The following MIA2 variants were observed in gnomAD, a reference collection of about 807,000 sequenced individuals.
The protein encoded by MIA2 is MIA SH3 domain ER export factor 2, also known as melanoma inhibitory activity protein 2.
In MIA2, 127 loss-of-function variants were observed where a neutral mutation model predicts 167.8. The observed-to-expected ratio is 0.76, with a 90% CI of 0.66 to 0.88. The LOEUF (loss-of-function observed/expected upper bound fraction) is 0.88. Ranked by LOEUF, MIA2 falls within the 40% of genes least tolerant of loss-of-function variation. The pLI, the probability that MIA2 is intolerant of heterozygous loss-of-function variation, is 0.00. For missense variants in MIA2, 1,690 were observed against 1,624.7 expected (o/e 1.04, Z -0.69); for synonymous variants, 552 against 541.9 (o/e 1.02, Z -0.26).
intron 27 of MIA2, 72 bp downstream of exon 27, chr14:39,347,843 T>C: frequency 9.0e-7 from 1 of 1,106,856 alleles, no homozygotes; most frequent in Non-Finnish European, 1.2e-6. Flanking sequence ...TTTTTTTTTA[T>C]GGAGTTTCAC....
Position 39,302,153 on chromosome 14 carries a change from A to G in MIA2, c.2644A>G (p.Met882Val), listed in dbSNP as rs1199582625. The G allele has an allele frequency of 6.2e-7, 1 of 1,613,730 alleles. No homozygotes were observed. The highest frequency in any genetic ancestry group is 1.7e-5 in the Admixed American group (1 of 60,004). The change falls in exon 15 of 29, where the codon ATG becomes GTG. Residue 882 changes from methionine (M) to valine (V), a missense_variant. Coordinates refer to ENST00000640607, the MANE Select transcript of MIA2 (RefSeq NM_001329214.4). ...IKTLTERLLK[M>V]KDWAAMLGED... ...GACTCTGACTGAACGCTTGTTAAAGATGAAAGATTGGGCTGCTATGCTTGG... is the reference window on the plus strand; with the variant it reads ...GACTCTGACTGAACGCTTGTTAAAGGTGAAAGATTGGGCTGCTATGCTTGG...
At chr14:39,370,680 G>A (rs745416520) in intron 23 of MIA2, 6 of 223,412 alleles carry the variant, frequency 2.7e-5, no homozygotes, top group Admixed American at 4.8e-5. Context: ...CAGCACAGCA[G>A]AGCCACCACT....
intron 23 of MIA2, among the ~76,000 whole-genome samples, chr14:39,379,505 G>A (rs12893829): frequency 6.6e-6 from 1 of 151,918 alleles, no homozygotes; most frequent in Non-Finnish European, 1.5e-5. Flanking sequence ...AACAAACAAC[G>A]CACCACCTTC....
intron 17 of MIA2, among the ~76,000 whole-genome samples, chr14:39,307,886 A>G (rs1160122535): frequency 6.6e-6 from 1 of 152,040 alleles, no homozygotes; most frequent in East Asian, 1.9e-4. Context: ...GAGCTAAAAA[A>G]GTTGATCTCA....
rs755891277 is a variant in MIA2, at chr14:39,247,866, A to G, written c.1292A>G (p.Lys431Arg). 1 of 1,589,330 alleles carries G rather than the reference A, an allele frequency of 6.3e-7. No homozygotes were observed. Among genetic ancestry groups the G allele is most frequent in the South Asian group, 1.2e-5 (1 of 85,266 alleles). The change falls in exon 4 of 29, where the codon AAA becomes AGA. Residue 431 changes from lysine to arginine, a missense_variant. By Grantham distance (26) the Lys-to-Arg change is conservative. Transcript: ENST00000640607. Reference protein sequence around the residue: ...PEKEQEIETIKIIETEDQIDK... With the variant: ...PEKEQEIETIRIIETEDQIDK... ...AAAGAACAAGAAATAGAAACGATAA[A>G]AATTATAGAAACAGAAGATCAAATA...
At chr14:39,375,973 A>G (rs1424436224) in intron 23 of MIA2, among the ~76,000 whole-genome samples, 1 of 152,154 alleles carries the variant, frequency 6.6e-6, no homozygotes, top group Non-Finnish European at 1.5e-5. Flanking sequence ...TTTTATTTTT[A>G]GACAGGGCCT....
chr14:39,318,267 G>A (rs1011109324), intron 22 of MIA2, among the ~76,000 whole-genome samples: 2 of 152,122 alleles, frequency 1.3e-5, no homozygotes, highest in Non-Finnish European at 2.9e-5. Context: ...TTAAACCAGT[G>A]TAGATGGATG....
intron 24 of MIA2, 100 bp downstream of exon 24, chr14:39,321,156 A>T: frequency 1.7e-6 from 2 of 1,178,702 alleles, no homozygotes; most frequent in Non-Finnish European, 2.4e-6. Flanking sequence ...TTTGGAAAAT[A>T]CAGGCATTCC....
chr14:39,276,850 A>C, intron 6 of MIA2, 84 bp from the exon 7 acceptor site: 1 of 1,469,584 alleles, frequency 6.8e-7, no homozygotes, highest in South Asian at 1.2e-5. Context: ...TTTTGTGTTG[A>C]CCACATAAAC....
At chr14:39,323,152 G>A (rs1254504222) in intron 24 of MIA2, among the ~76,000 whole-genome samples, 1 of 152,140 alleles carries the variant, frequency 6.6e-6, no homozygotes, top group African/African-American at 2.4e-5. Context: ...ATGGTCATGA[G>A]ATATTCTCCC....
chr14:39,288,856 GA>G (rs1201658016), intron 9 of MIA2, among the ~76,000 whole-genome samples: 3 of 152,038 alleles, frequency 2.0e-5, no homozygotes, highest in African/African-American at 7.2e-5. Flanking sequence ...TCAATTTGCT[GA>G]TATTTTATTT....
At chr14:39,235,264 C>T (rs1045028175) in intron 1 of MIA2, among the ~76,000 whole-genome samples, 3 of 152,034 alleles carry the variant, frequency 2.0e-5, no homozygotes, top group African/African-American at 7.2e-5. Context: ...TCAGGGAATC[C>T]ACCTGCCTCA....
intron 13 of MIA2, among the ~76,000 whole-genome samples, chr14:39,298,718 A>C (rs185413873): frequency 6.8e-6 from 1 of 147,544 alleles, no homozygotes; most frequent in Non-Finnish European, 1.5e-5. Flanking sequence ...TTCTTTGCCT[A>C]TTTTTTCTTA....
At chr14:39,253,288 T>C (rs1438473840) in intron 6 of MIA2, 117 bp downstream of exon 6, 5 of 1,309,794 alleles carry the variant, frequency 3.8e-6, no homozygotes, top group Non-Finnish European at 5.4e-6. Context: ...AATGTTTCTC[T>C]TTCCATGACA....
intron 4 of MIA2, 117 bp from the exon 5 acceptor site, chr14:39,252,631 C>A: frequency 1.5e-6 from 1 of 672,646 alleles, no homozygotes; most frequent in East Asian, 2.6e-5. Flanking sequence ...CTTTCTTTAA[C>A]GAAGTATCAT....
intron 15 of MIA2, 106 bp downstream of exon 15, chr14:39,302,355 A>G: frequency 7.6e-7 from 1 of 1,314,506 alleles, no homozygotes. Flanking sequence ...TTACTTTGGC[A>G]CATTCTGTCT....
At chr14:39,322,309 G>A (rs1367439098) in intron 24 of MIA2, among the ~76,000 whole-genome samples, 1 of 151,974 alleles carries the variant, frequency 6.6e-6, no homozygotes, top group Admixed American at 6.6e-5. Context: ...TTGGGAGGCC[G>A]ACGGGGGCAG....
At chr14:39,339,219 ACCT>A (rs920614667) in intron 25 of MIA2, among the ~76,000 whole-genome samples, 51 of 152,078 alleles carry the variant, frequency 3.4e-4, no homozygotes, top group African/African-American at 1.2e-3. Context: ...TGCCCTCCTC[ACCT>A]CCTGCTGTGC....
chr14:39,304,638 C>G (rs1595376107), intron 17 of MIA2, among the ~76,000 whole-genome samples: 1 of 151,918 alleles, frequency 6.6e-6, no homozygotes, highest in Non-Finnish European at 1.5e-5. Flanking sequence ...CCGTATTTAT[C>G]TTCGAATTAC....
Sources: gnomAD v4.1 joint callset for allele counts (sites outside exome capture counted in the v4.1 genomes callset) on GRCh38, gnomAD v4.1.1 for gene constraint, MANE v1.5 for transcripts, NCBI Gene and HGNC (gene_info 2026-07-23, HGNC 2026-07-21) for gene names.